SLC2A9: variants seen among roughly 807,000 people sequenced by gnomAD.
SLC2A9 encodes solute carrier family 2, facilitated glucose transporter member 9.
In SLC2A9, 39 loss-of-function variants were observed where a neutral mutation model predicts 50.6. That is an observed-to-expected ratio of 0.77 (90% CI 0.60 to 1.01). The LOEUF (loss-of-function observed/expected upper bound fraction) is 1.01, where lower values mean the gene tolerates loss of function less well. Ranked by LOEUF, SLC2A9 falls within the 50% of genes least tolerant of loss-of-function variation. The pLI is 0.00. For synonymous variants in SLC2A9, 324 were observed against 276.9 expected (o/e 1.17, Z -1.69); for missense variants, 686 against 677.6 (o/e 1.01, Z -0.14).
intron 3 of SLC2A9, among the ~76,000 whole-genome samples, chr4:9,814,269 G>A (rs922236884): frequency 6.6e-6 from 1 of 152,250 alleles, no homozygotes; most frequent in Non-Finnish European, 1.5e-5. Flanking sequence ...TCAACTTCTT[G>A]AAGGTAGGTA....
At chr4:9,785,561 C>A (rs1394450407) in intron 3 of SLC2A9, among the ~76,000 whole-genome samples, 3 of 152,206 alleles carry the variant, frequency 2.0e-5, no homozygotes, top group Admixed American at 2.0e-4. Flanking sequence ...TAAGCAAAAT[C>A]TTTTGTGAAA....
chr4:9,999,830 T>TG (rs1216534783), intron 2 of SLC2A9, among the ~76,000 whole-genome samples: 10 of 152,004 alleles, frequency 6.6e-5, no homozygotes, highest in African/African-American at 9.7e-5. Flanking sequence ...CAGGCACACT[T>TG]GGGGGGCACT....
chr4:9,898,006 G>C (rs1476803424), intron 8 of SLC2A9, among the ~76,000 whole-genome samples: 1 of 152,240 alleles, frequency 6.6e-6, no homozygotes, highest in Non-Finnish European at 1.5e-5. Context: ...AAGATCACCT[G>C]TAAGTTCCTG....
chr4:9,916,334 A>G (rs1221047252), intron 7 of SLC2A9, among the ~76,000 whole-genome samples: 1 of 152,180 alleles, frequency 6.6e-6, no homozygotes, highest in African/African-American at 2.4e-5. Flanking sequence ...AACCAATGTC[A>G]CCAGGCCCAT....
chr4:10,029,594 ATTATT>A (rs370612199), intron 1 of SLC2A9, among the ~76,000 whole-genome samples: 1 of 129,816 alleles, frequency 7.7e-6, no homozygotes, highest in Non-Finnish European at 1.7e-5. Flanking sequence ...TTTATTTTAT[ATTATT>A]TTATTTTATT....
At chr4:9,991,628 T>C (rs1014116242) in intron 3 of SLC2A9, among the ~76,000 whole-genome samples, 1 of 152,106 alleles carries the variant, frequency 6.6e-6, no homozygotes, top group African/African-American at 2.4e-5. Flanking sequence ...TGTGACTGCA[T>C]TTGGGGACAG....
intron 7 of SLC2A9, among the ~76,000 whole-genome samples, chr4:9,916,804 C>T (rs1329243437): frequency 1.3e-5 from 2 of 152,242 alleles, no homozygotes; most frequent in Non-Finnish European, 2.9e-5. Context: ...GGCTTCCCCA[C>T]ACTGGGCTTG....
At chr4:9,823,837 G>A (rs150304521), downstream of SLC2A9, among the ~76,000 whole-genome samples, 25 of 152,308 alleles carry the variant, frequency 1.6e-4, no homozygotes, top group East Asian at 4.2e-3. Flanking sequence ...TTGTAATTGT[G>A]TTTCATGTAT....
intron 3 of SLC2A9, chr4:9,781,904 G>C: frequency 2.4e-6 from 2 of 818,672 alleles, no homozygotes; most frequent in East Asian, 3.0e-5. Flanking sequence ...CATGGTGAGC[G>C]CCCTCTGGGG....
At chr4:9,875,305 G>A (rs1734132557) in intron 10 of SLC2A9, among the ~76,000 whole-genome samples, 1 of 146,256 alleles carries the variant, frequency 6.8e-6, no homozygotes, top group Admixed American at 6.7e-5. Context: ...ATGGGATGCT[G>A]TGTCTTTAGA....
intron 3 of SLC2A9, among the ~76,000 whole-genome samples, chr4:9,781,099 G>T (rs1471818048): frequency 6.6e-6 from 1 of 152,070 alleles, no homozygotes; most frequent in Non-Finnish European, 1.5e-5. Context: ...GGAAGCGGGA[G>T]CCTGTTCCTA....
At chr4:9,881,516 G>A (rs1430601405) in intron 10 of SLC2A9, among the ~76,000 whole-genome samples, 1 of 152,182 alleles carries the variant, frequency 6.6e-6, no homozygotes, top group Non-Finnish European at 1.5e-5. Flanking sequence ...ACTATAGCAG[G>A]GGTTGACACA....
intron 5 of SLC2A9, among the ~76,000 whole-genome samples, chr4:9,961,952 A>C (rs370967136): frequency 1.3e-5 from 2 of 152,242 alleles, no homozygotes; most frequent in South Asian, 2.1e-4. Flanking sequence ...GTGGTCAAGA[A>C]ACATATGAAA....
At chr4:9,828,763 T>C (rs376501945) in intron 11 of SLC2A9, among the ~76,000 whole-genome samples, 2 of 152,350 alleles carry the variant, frequency 1.3e-5, no homozygotes, top group South Asian at 2.1e-4. Context: ...CCCTGCTTCA[T>C]TGCCTTCAAA....
intron 10 of SLC2A9, among the ~76,000 whole-genome samples, chr4:9,837,324 C>A (rs1365262184): frequency 6.6e-6 from 1 of 152,180 alleles, no homozygotes; most frequent in African/African-American, 2.4e-5. Context: ...TGTAATGAAA[C>A]CAGCCTTTGG....
downstream of SLC2A9, among the ~76,000 whole-genome samples, chr4:9,825,068 C>T (rs1724915530): frequency 6.6e-6 from 1 of 152,174 alleles, no homozygotes. Flanking sequence ...CAAAAGGATT[C>T]TAGTGGTATT....
At chr4:9,873,089 T>C (rs900356945) in intron 10 of SLC2A9, among the ~76,000 whole-genome samples, 5 of 152,228 alleles carry the variant, frequency 3.3e-5, no homozygotes, top group African/African-American at 9.6e-5. Context: ...TGTGTCCTTA[T>C]TGAACATTCC....
At chr4:9,914,102 C>T (rs1560293741) in intron 7 of SLC2A9, among the ~76,000 whole-genome samples, 1 of 152,162 alleles carries the variant, frequency 6.6e-6, no homozygotes, top group Non-Finnish European at 1.5e-5. Context: ...GAGCTGAGAT[C>T]GAGCCCTGAT....
chr4:10,030,163 G>C (rs1763893202), intron 1 of SLC2A9, among the ~76,000 whole-genome samples: 1 of 152,124 alleles, frequency 6.6e-6, no homozygotes, highest in Admixed American at 6.5e-5. Flanking sequence ...AGTATGATGA[G>C]CATAGTTAAT....
Sources: allele counts gnomAD v4.1 joint callset (sites outside exome capture counted in the v4.1 genomes callset), GRCh38; gene constraint gnomAD v4.1.1; transcripts MANE v1.5; gene names NCBI Gene and HGNC (gene_info 2026-07-23, HGNC 2026-07-21).